The following TENM2 variants were observed in gnomAD, a reference collection of about 807,000 sequenced individuals.
TENM2 encodes the protein teneurin transmembrane protein 2, also known as teneurin-2.
In TENM2, 52 loss-of-function variants were observed where a neutral mutation model predicts 245.2. That is an observed-to-expected ratio of 0.21 (90% confidence interval 0.17 to 0.27). The LOEUF (loss-of-function observed/expected upper bound fraction) is 0.27, where lower values mean the gene tolerates loss of function less well. Ranked by LOEUF, TENM2 falls within the 10% of genes least tolerant of loss-of-function variation. TENM2 has a pLI of 1.00. For missense variants in TENM2, 3,046 were observed against 3,666.8 expected (o/e 0.83, Z 4.37); for synonymous variants, 1,363 against 1,438.9 (o/e 0.95, Z 1.19).
intron 2 of TENM2, among the ~76,000 whole-genome samples, chr5:167,841,523 G>A (rs1397672055): frequency 5.3e-5 from 8 of 152,178 alleles, no homozygotes; most frequent in African/African-American, 1.2e-4. Flanking sequence ...ACACAAGCGT[G>A]TATATTATTT....
chr5:167,426,898 C>T (rs1250735834), intron 2 of TENM2, among the ~76,000 whole-genome samples: 2 of 152,040 alleles, frequency 1.3e-5, no homozygotes, highest in African/African-American at 4.8e-5. Context: ...CTACAAAAAC[C>T]TCCATGAGTC....
chr5:167,052,470 G>C, the TENM2 span, among the ~76,000 whole-genome samples: 35 of 152,132 alleles, frequency 2.3e-4, no homozygotes, highest in African/African-American at 8.4e-4. Context: ...CACATACAGA[G>C]AGGATCTGGT....
chr5:168,103,463 A>G (rs6883285), intron 9 of TENM2, among the ~76,000 whole-genome samples: 4,193 of 151,826 alleles, frequency 0.028, 86 homozygotes, highest in Non-Finnish European at 0.043. Context: ...CATCCCTTTA[A>G]CCTGACCAGT....
intron 2 of TENM2, among the ~76,000 whole-genome samples, chr5:167,794,311 G>A (rs1765176860): frequency 6.6e-6 from 1 of 152,188 alleles, no homozygotes; most frequent in African/African-American, 2.4e-5. Context: ...CTTCAAAGTT[G>A]TGGCTTCTGC....
intron 2 of TENM2, among the ~76,000 whole-genome samples, chr5:167,697,595 G>A (rs958575689): frequency 5.3e-5 from 8 of 151,950 alleles, no homozygotes; most frequent in Non-Finnish European, 7.4e-5. Context: ...GCACCATCTC[G>A]GCTCACTGCA....
intron 3 of TENM2, among the ~76,000 whole-genome samples, chr5:167,904,032 T>G (rs1013576598): frequency 2.0e-5 from 3 of 152,222 alleles, no homozygotes; most frequent in African/African-American, 4.8e-5. Flanking sequence ...GTCAATTTAA[T>G]CTAGACCAGA....
chr5:167,952,395 G>T (rs1780180332), intron 3 of TENM2, 193 bp from the exon 6 acceptor site: 1 of 600,642 alleles, frequency 1.7e-6, no homozygotes, highest in Non-Finnish European at 3.0e-6. Flanking sequence ...GTGGATAAAT[G>T]CAAATCAAAG....
At chr5:167,698,686 T>TG (rs1554102365) in intron 2 of TENM2, among the ~76,000 whole-genome samples, 7 of 114,848 alleles carry the variant, frequency 6.1e-5, no homozygotes, top group African/African-American at 1.5e-4. Flanking sequence ...TTTGTTTTTT[T>TG]TTTTTTTTTT....
At chr5:167,284,904 A>G in exon 1 of TENM2, 1 of 1,551,746 alleles carries the variant, frequency 6.4e-7, no homozygotes, top group Non-Finnish European at 8.7e-7. Context: ...GTGTCGCTAC[A>G]CAAGCTCCTC....
intron 3 of TENM2, among the ~76,000 whole-genome samples, chr5:167,916,341 G>A (rs1309045970): frequency 6.6e-6 from 1 of 152,066 alleles, no homozygotes; most frequent in African/African-American, 2.4e-5. Flanking sequence ...AGACGTTATT[G>A]TACTACATTT....
the TENM2 span, among the ~76,000 whole-genome samples, chr5:167,020,282 G>A: frequency 6.6e-6 from 1 of 152,126 alleles, no homozygotes; most frequent in African/African-American, 2.4e-5. Context: ...ATGTGCTTGA[G>A]GGCTCAAGTT....
At chr5:168,160,518 TG>T (rs1242348180) in intron 12 of TENM2, among the ~76,000 whole-genome samples, 1 of 152,198 alleles carries the variant, frequency 6.6e-6, no homozygotes, top group Non-Finnish European at 1.5e-5. Context: ...TCTCCTTATT[TG>T]CCCTCTCAAG....
intron 6 of TENM2, among the ~76,000 whole-genome samples, chr5:168,050,294 C>T (rs942109942): frequency 3.3e-5 from 5 of 152,188 alleles, no homozygotes; most frequent in Non-Finnish European, 7.3e-5. Context: ...AGTTCTCTCA[C>T]CCATGCCTAT....
chr5:167,296,245 G>A (rs914499927), intron 1 of TENM2: 2 of 152,140 alleles, frequency 1.3e-5, no homozygotes, highest in African/African-American at 2.4e-5. Flanking sequence ...ATGAATAGTC[G>A]GCACTGGGCA....
chr5:167,103,080 A>C, the TENM2 span, among the ~76,000 whole-genome samples: 3 of 152,260 alleles, frequency 2.0e-5, no homozygotes, highest in Non-Finnish European at 4.4e-5. Context: ...CATGTAGGAC[A>C]GGGAGCTATC....
chr5:168,198,942 C>T (rs768897985), exon 16 of TENM2: 6 of 1,613,932 alleles, frequency 3.7e-6, no homozygotes, highest in African/African-American at 2.7e-5. Context: ...GTGTGGCTGC[C>T]GTGGAACAGC....
At chr5:168,105,192 G>T (rs1240419997) in intron 9 of TENM2, among the ~76,000 whole-genome samples, 1 of 152,170 alleles carries the variant, frequency 6.6e-6, no homozygotes, top group Non-Finnish European at 1.5e-5. Context: ...GCTGGGAGAG[G>T]CATGTGAAAT....
chr5:168,232,047 C>A (rs1019074788), intron 25 of TENM2, among the ~76,000 whole-genome samples: 3 of 152,150 alleles, frequency 2.0e-5, no homozygotes, highest in Non-Finnish European at 4.4e-5. Context: ...GCCTGGGCAA[C>A]AGAGCAAGAC....
At chr5:168,129,287 T>C (rs1354084301) in intron 12 of TENM2, 1 of 152,212 alleles carries the variant, frequency 6.6e-6, no homozygotes, top group East Asian at 1.9e-4. Context: ...AAAAAGGTGT[T>C]TCTGCCACTT....
Sources: allele counts gnomAD v4.1 joint callset (sites outside exome capture counted in the v4.1 genomes callset), GRCh38; gene constraint gnomAD v4.1.1; transcripts MANE v1.5; gene names NCBI Gene and HGNC (gene_info 2026-07-23, HGNC 2026-07-21).